Variants in NSMCE2 observed in about 807,000 individuals in gnomAD.
The protein encoded by NSMCE2 is E3 SUMO-protein ligase NSE2.
In NSMCE2, 24 loss-of-function variants were observed where a neutral mutation model predicts 23.8. That is an observed-to-expected ratio of 1.01 (90% CI 0.73 to 1.42). NSMCE2 has a LOEUF of 1.42. Among genes scored for constraint, NSMCE2 ranks in the 40% most tolerant of loss-of-function variants. The probability of loss-of-function intolerance (pLI) is 0.00; values close to 1 mark genes in which losing one functional copy is unlikely to be tolerated. For missense variants in NSMCE2, 284 were observed against 296.5 expected, an observed-to-expected ratio of 0.96 and a Z score of 0.31; for synonymous variants, 92 against 94.1, an observed-to-expected ratio of 0.98 and a Z score of 0.13.
intron 5 of NSMCE2, among the ~76,000 whole-genome samples, chr8:125,226,908 G>A (rs1825121173): frequency 6.6e-6 from 1 of 151,710 alleles, no homozygotes; most frequent in South Asian, 2.1e-4. Flanking sequence ...ACTTGTTCTG[G>A]CAACCCTCTG....
intron 3 of NSMCE2, among the ~76,000 whole-genome samples, chr8:125,106,767 T>C (rs994651262): frequency 2.0e-5 from 3 of 151,378 alleles, no homozygotes; most frequent in African/African-American, 7.3e-5. Flanking sequence ...AAGCCGAGGC[T>C]GGAGGATCAC....
intron 4 of NSMCE2, among the ~76,000 whole-genome samples, chr8:125,157,548 T>G (rs966291370): frequency 5.3e-5 from 8 of 152,214 alleles, no homozygotes; most frequent in African/African-American, 1.9e-4. Flanking sequence ...ACAGTTATTC[T>G]CAAATTAAGG....
At chr8:125,246,085 T>A (rs927681404) in intron 5 of NSMCE2, among the ~76,000 whole-genome samples, 2 of 152,190 alleles carry the variant, frequency 1.3e-5, no homozygotes, top group African/African-American at 4.8e-5. Flanking sequence ...TGGGAATTTT[T>A]AAAAAACATA....
chr8:125,363,219 T>C (rs1447775124), intron 7 of NSMCE2: 1 of 152,196 alleles, frequency 6.6e-6, no homozygotes. Context: ...ACAGACATAA[T>C]TCACCAGGCA....
chr8:125,217,984 T>C (rs1043898965), intron 5 of NSMCE2, among the ~76,000 whole-genome samples: 4 of 152,182 alleles, frequency 2.6e-5, no homozygotes, highest in Admixed American at 2.6e-4. Context: ...AGCAGAAGTC[T>C]CTACGCTATT....
chr8:125,248,355 G>A (rs912070920), intron 5 of NSMCE2, among the ~76,000 whole-genome samples: 1 of 152,196 alleles, frequency 6.6e-6, no homozygotes, highest in East Asian at 1.9e-4. Flanking sequence ...GTTGCAAGAT[G>A]TATTATATTT....
At chr8:125,124,010 A>G (rs1168194604) in intron 3 of NSMCE2, 3 of 152,130 alleles carry the variant, frequency 2.0e-5, no homozygotes, top group African/African-American at 7.2e-5. Context: ...TCATCACTTC[A>G]AAAAAAGAAA....
intron 1 of NSMCE2, among the ~76,000 whole-genome samples, chr8:125,094,146 G>T (rs969421615): frequency 2.6e-5 from 4 of 152,060 alleles, no homozygotes; most frequent in African/African-American, 9.7e-5. Flanking sequence ...TGGGTATGAA[G>T]GGGAGAAGGA....
chr8:125,098,468 T>C (rs573004227), intron 1 of NSMCE2, among the ~76,000 whole-genome samples: 9 of 152,242 alleles, frequency 5.9e-5, no homozygotes, highest in African/African-American at 1.9e-4. Context: ...CTTACGTACA[T>C]TTTCAAAGGT....
intron 5 of NSMCE2, among the ~76,000 whole-genome samples, chr8:125,353,371 C>G (rs1813118078): frequency 6.6e-6 from 1 of 152,142 alleles, no homozygotes; most frequent in Admixed American, 6.5e-5. Flanking sequence ...CGGCTCCTAG[C>G]CTTCTCCTTG....
chr8:125,158,285 T>C (rs963186072), intron 4 of NSMCE2, among the ~76,000 whole-genome samples: 1 of 152,018 alleles, frequency 6.6e-6, no homozygotes, highest in Non-Finnish European at 1.5e-5. Context: ...ATTGCATTAC[T>C]CCAACAGTGA....
chr8:125,300,911 C>T (rs1336265840), intron 5 of NSMCE2, among the ~76,000 whole-genome samples: 1 of 152,108 alleles, frequency 6.6e-6, no homozygotes, highest in South Asian at 2.1e-4. Context: ...CTCTGTAGCC[C>T]GCTGAGCAGT....
At chr8:125,255,638 G>A (rs1826373459) in intron 5 of NSMCE2, among the ~76,000 whole-genome samples, 1 of 152,188 alleles carries the variant, frequency 6.6e-6, no homozygotes, top group South Asian at 2.1e-4. Context: ...GGAATAGGAA[G>A]TACTAATTAT....
chr8:125,220,804 G>A (rs1563727460), intron 5 of NSMCE2, among the ~76,000 whole-genome samples: 1 of 152,172 alleles, frequency 6.6e-6, no homozygotes, highest in East Asian at 1.9e-4. Context: ...ATCTGAGATC[G>A]ATATAAATTT....
intron 5 of NSMCE2, among the ~76,000 whole-genome samples, chr8:125,237,800 G>T (rs922921887): frequency 6.6e-6 from 1 of 152,200 alleles, no homozygotes; most frequent in Non-Finnish European, 1.5e-5. Flanking sequence ...GGCACAGACT[G>T]CTGGATTCCC....
At position 125,182,229 on chromosome 8, in the gene NSMCE2, C is replaced by T; in HGVS notation, c.391C>T (p.Gln131Ter). ...TAATGAAAAATTTGTACAGTTTAAA[C>T]AACAGCTGAAAGAACTAAAGAAGCA... ...QNNEKFVQFK[Q>*]QLKELKKQCG... The change falls in exon 5 of 8, where the codon CAA (glutamine) becomes TAA (stop). Residue 131 changes from glutamine to a stop codon, truncating the protein, a stop_gained. Coordinates refer to ENST00000287437, the MANE Select transcript of NSMCE2 (RefSeq NM_173685.4). LOFTEE classifies it high-confidence loss of function. 2.5e-6 allele frequency: 4 copies of T among 1,607,186 alleles called. No homozygotes were observed. The highest frequency in any genetic ancestry group is 2.5e-6 in the Non-Finnish European group (3 of 1,177,698).
chr8:125,212,771 G>A (rs1586618974), intron 5 of NSMCE2, among the ~76,000 whole-genome samples: 1 of 152,144 alleles, frequency 6.6e-6, no homozygotes, highest in Admixed American at 6.5e-5. Flanking sequence ...AGTTTGTTAT[G>A]TACTACATAA....
chr8:125,150,087 A>G (rs759394812), intron 3 of NSMCE2, among the ~76,000 whole-genome samples: 5 of 152,046 alleles, frequency 3.3e-5, no homozygotes, highest in Non-Finnish European at 7.4e-5. Context: ...CTGCAAATCC[A>G]GGAGGACTGC....
chr8:125,140,079 G>GGA (rs1406626915), intron 3 of NSMCE2, among the ~76,000 whole-genome samples: 3 of 152,212 alleles, frequency 2.0e-5, no homozygotes, highest in African/African-American at 7.2e-5. Flanking sequence ...TTGCCTCTAA[G>GGA]GAGAGCATTT....
Sources: gnomAD v4.1 joint callset for allele counts (sites outside exome capture counted in the v4.1 genomes callset) on GRCh38, gnomAD v4.1.1 for gene constraint, MANE v1.5 for transcripts, NCBI Gene and HGNC (gene_info 2026-07-23, HGNC 2026-07-21) for gene names.